Variants in NRF1 observed in about 807,000 individuals in gnomAD.
NRF1 encodes the protein alpha palindromic-binding protein.
A neutral mutation model predicts 58.5 loss-of-function variants in NRF1; 5 were observed. The ratio of observed to expected loss-of-function variants is 0.09; its 90% CI spans 0.04 to 0.18. The LOEUF is 0.18. NRF1 is among the 10% of genes least tolerant of loss of function. The pLI is 1.00. For missense variants in NRF1, 288 were observed against 657.7 expected (o/e 0.44, Z 6.15); for synonymous variants, 224 against 246.7 (o/e 0.91, Z 0.86).
intron 10 of NRF1, among the ~76,000 whole-genome samples, chr7:129,750,707 C>G (rs1447752278): frequency 1.3e-5 from 2 of 152,196 alleles, no homozygotes; most frequent in East Asian, 3.8e-4. Flanking sequence ...CCAGGTGTGG[C>G]CAAATATGCT....
intron 3 of NRF1, among the ~76,000 whole-genome samples, chr7:129,674,899 TACA>T (rs1015612860): frequency 1.3e-5 from 2 of 152,316 alleles, no homozygotes; most frequent in South Asian, 4.1e-4. Flanking sequence ...TTAAAAATAA[TACA>T]ACAAATTTTG....
intron 1 of NRF1, among the ~76,000 whole-genome samples, chr7:129,625,280 TC>T (rs1800887921): frequency 6.6e-6 from 1 of 152,158 alleles, no homozygotes; most frequent in East Asian, 1.9e-4. Context: ...GATCTCAAGA[TC>T]CTTAGTTACA....
At chr7:129,664,166 A>C (rs1801869095) in intron 2 of NRF1, among the ~76,000 whole-genome samples, 3 of 149,968 alleles carry the variant, frequency 2.0e-5, no homozygotes, top group East Asian at 2.0e-4. Context: ...GGGAGAGGGT[A>C]GGGGAGAGGG....
intron 2 of NRF1, among the ~76,000 whole-genome samples, chr7:129,664,840 G>A (rs1042941775): frequency 6.6e-6 from 1 of 152,194 alleles, no homozygotes; most frequent in African/African-American, 2.4e-5. Flanking sequence ...TGTAACCTAT[G>A]TAGATACTAT....
chr7:129,640,406 TACTCTGGAGGCTG>T (rs1458687517), intron 1 of NRF1, among the ~76,000 whole-genome samples: 1 of 151,970 alleles, frequency 6.6e-6, no homozygotes, highest in African/African-American at 2.4e-5. Context: ...TAGTCCCAGC[TACTCTGGAGGCTG>T]AGGCAGGAGG....
rs1211987371 is a variant in NRF1 at position 129,712,667 on chromosome 7, A to G, written c.1065+1091A>G. 2.0e-5 allele frequency among the ~76,000 whole-genome samples: 3 copies of G among 152,214 alleles called. No homozygotes were observed. In the East Asian group the frequency reaches 5.8e-4, roughly 29 times the overall value. On this transcript the variant is annotated intron_variant, in intron 8 of 10. Transcript: ENST00000393232. ...GTGGGGAAGAGAGATGTCTACGTGA[A>G]TGAACTCTAGCCTTCCTGTAAGGGA...
intron 3 of NRF1, among the ~76,000 whole-genome samples, chr7:129,674,139 TAA>T (rs576158128): frequency 1.4e-5 from 2 of 146,278 alleles, no homozygotes; most frequent in African/African-American, 2.6e-5. Context: ...AAACTCCATC[TAA>T]AAAAAAAAAA....
chr7:129,645,473 A>T (rs1801384490), intron 1 of NRF1, among the ~76,000 whole-genome samples: 2 of 152,118 alleles, frequency 1.3e-5, no homozygotes, highest in African/African-American at 4.8e-5. Context: ...GTAACTCTAA[A>T]TCGCTCTTTC....
intron 9 of NRF1, among the ~76,000 whole-genome samples, chr7:129,718,636 G>A (rs6958958): frequency 0.85 from 128,849 of 152,208 alleles, 55,243 homozygotes; most frequent in East Asian, 0.94. Context: ...GGTAAAGACT[G>A]TGAACGTTGT....
chr7:129,633,938 A>G (rs1801107572), intron 1 of NRF1, among the ~76,000 whole-genome samples: 1 of 150,730 alleles, frequency 6.6e-6, no homozygotes, highest in Non-Finnish European at 1.5e-5. Context: ...GGTGATTTAG[A>G]TTGGTGGAGC....
intron 10 of NRF1, among the ~76,000 whole-genome samples, chr7:129,739,149 G>T (rs1803790316): frequency 6.6e-6 from 1 of 152,204 alleles, no homozygotes; most frequent in African/African-American, 2.4e-5. Flanking sequence ...TATGATAGCT[G>T]TTAGCTACAT....
chr7:129,728,840 A>G (rs1322497104), intron 10 of NRF1, among the ~76,000 whole-genome samples: 1 of 149,902 alleles, frequency 6.7e-6, no homozygotes, highest in African/African-American at 2.5e-5. Context: ...TTTTGTGCTT[A>G]TCTAAATCTA....
chr7:129,742,923 G>A (rs942739256), intron 10 of NRF1, among the ~76,000 whole-genome samples: 2 of 152,148 alleles, frequency 1.3e-5, no homozygotes, highest in African/African-American at 2.4e-5. Flanking sequence ...CAAACAGAAC[G>A]TGCCCATCAT....
At chr7:129,677,890 G>A in intron 4 of NRF1, 132 bp downstream of exon 4, 1 of 916,104 alleles carries the variant, frequency 1.1e-6, no homozygotes, top group South Asian at 1.6e-5. Flanking sequence ...GTGGGGACTA[G>A]TTTTCAGACT....
intron 1 of NRF1, among the ~76,000 whole-genome samples, chr7:129,615,374 A>G (rs1430346006): frequency 1.3e-5 from 2 of 152,228 alleles, no homozygotes; most frequent in Admixed American, 6.5e-5. Context: ...TTTCTGGGCC[A>G]GTAATCATCT....
chr7:129,739,887 G>GC (rs1453539251), intron 10 of NRF1, among the ~76,000 whole-genome samples: 51 of 152,188 alleles, frequency 3.4e-4, no homozygotes, highest in African/African-American at 9.9e-4. Context: ...CATGACTATT[G>GC]CATGAATTCC....
chr7:129,754,464 TAAAAAA>T (rs57595268), intron 10 of NRF1, among the ~76,000 whole-genome samples: 2 of 51,204 alleles, frequency 3.9e-5, no homozygotes, highest in African/African-American at 1.9e-4. Context: ...CCCTGTCTCT[TAAAAAA>T]AAAAAAAAAA....
chr7:129,727,509 T>G, intron 10 of NRF1, 144 bp downstream of exon 10: 2 of 742,752 alleles, frequency 2.7e-6, no homozygotes, highest in Non-Finnish European at 4.0e-6. Context: ...CTAGGAATAT[T>G]CTGGGAGCCT....
intron 9 of NRF1, among the ~76,000 whole-genome samples, chr7:129,719,342 G>A (rs557955859): frequency 1.6e-4 from 24 of 152,232 alleles, no homozygotes; most frequent in Non-Finnish European, 3.4e-4. Context: ...ATGTTGGTCA[G>A]GCTGGTCTCA....
Sources: allele counts gnomAD v4.1 joint callset (sites outside exome capture counted in the v4.1 genomes callset), GRCh38; gene constraint gnomAD v4.1.1; transcripts MANE v1.5; gene names NCBI Gene and HGNC (gene_info 2026-07-23, HGNC 2026-07-21).